Variants in MGAT4C observed in about 807,000 individuals in gnomAD.
The protein encoded by MGAT4C is alpha-1,3-mannosyl-glycoprotein 4-beta-N-acetylglucosaminyltransferase C.
A neutral mutation model predicts 40.1 loss-of-function variants in MGAT4C; 19 were observed. The observed-to-expected ratio is 0.47, with a 90% confidence interval of 0.33 to 0.70. The LOEUF (loss-of-function observed/expected upper bound fraction) is 0.70. Ranked by LOEUF, MGAT4C falls within the 30% of genes least tolerant of loss-of-function variation. The probability of loss-of-function intolerance (pLI) is 0.02; values close to 1 mark genes in which losing one functional copy is unlikely to be tolerated. For missense variants in MGAT4C, 491 were observed against 563.2 expected (o/e 0.87, Z 1.30); for synonymous variants, 181 against 187.1 (o/e 0.97, Z 0.27).
intron 3 of MGAT4C, among the ~76,000 whole-genome samples, chr12:85,988,927 G>A (rs1885567212): frequency 6.6e-6 from 1 of 151,790 alleles, no homozygotes; most frequent in Admixed American, 6.6e-5. Context: ...ATTCAGATAA[G>A]GTGTTACACA....
chr12:86,108,886 T>G (rs1876703079), intron 1 of MGAT4C, among the ~76,000 whole-genome samples: 1 of 152,156 alleles, frequency 6.6e-6, no homozygotes, highest in Non-Finnish European at 1.5e-5. Context: ...GTCTTCGGTC[T>G]TCACCGGAGA....
intron 1 of MGAT4C, among the ~76,000 whole-genome samples, chr12:86,141,797 A>C (rs1882875735): frequency 6.6e-6 from 1 of 152,164 alleles, no homozygotes; most frequent in African/African-American, 2.4e-5. Context: ...ACTCATGTAG[A>C]TTATACAATT....
At chr12:85,982,275 G>A (rs970898906) in intron 4 of MGAT4C, among the ~76,000 whole-genome samples, 4 of 152,166 alleles carry the variant, frequency 2.6e-5, no homozygotes, top group Non-Finnish European at 4.4e-5. Flanking sequence ...CACCTCCCAG[G>A]TTCAGGCGAT....
chr12:86,226,613 C>T (rs1951087687), intron 1 of MGAT4C, among the ~76,000 whole-genome samples: 1 of 151,894 alleles, frequency 6.6e-6, no homozygotes, highest in South Asian at 2.1e-4. Context: ...CACCGCAACC[C>T]AAATGATGAA....
chr12:86,580,837 A>C (rs1408010860), intron 2 of MGAT4C, among the ~76,000 whole-genome samples: 1 of 151,544 alleles, frequency 6.6e-6, no homozygotes, highest in African/African-American at 2.4e-5. Flanking sequence ...CTTTCAAACC[A>C]GAACTCATTT....
chr12:86,589,689 C>T (rs1961239127), intron 2 of MGAT4C, among the ~76,000 whole-genome samples: 1 of 152,016 alleles, frequency 6.6e-6, no homozygotes, highest in African/African-American at 2.4e-5. Context: ...AGCAGCACAT[C>T]AAAAAGCTTA....
intron 1 of MGAT4C, among the ~76,000 whole-genome samples, chr12:86,795,002 C>A (rs1271715259): frequency 2.0e-5 from 3 of 151,722 alleles, no homozygotes; most frequent in Non-Finnish European, 4.4e-5. Context: ...TACAATAAAT[C>A]ATAGAAATAT....
At chr12:86,332,777 C>T (rs1954701447) in intron 4 of MGAT4C, among the ~76,000 whole-genome samples, 2 of 152,020 alleles carry the variant, frequency 1.3e-5, no homozygotes, top group Non-Finnish European at 2.9e-5. Context: ...CCATCAAGAG[C>T]TAGGCCATTA....
At chr12:86,726,634 G>A (rs1013546587) in intron 2 of MGAT4C, among the ~76,000 whole-genome samples, 2 of 152,036 alleles carry the variant, frequency 1.3e-5, no homozygotes, top group African/African-American at 4.8e-5. Context: ...TTGTTAATAT[G>A]TGCATATTCC....
At position 86,265,929 on chromosome 12, in the gene MGAT4C, G is replaced by C. The variant is rs11832164; in HGVS notation, c.-57+68136C>G. Among the ~76,000 whole-genome samples, 455 of 151,996 alleles carry C rather than the reference G, an allele frequency of 3.0e-3. 1 individual carries two copies. Among genetic ancestry groups the C allele is most frequent in the African/African-American group, 0.01 (430 of 41,440 alleles). On this transcript the variant is annotated intron_variant, in intron 4 of 7. Coordinates refer to the MGAT4C transcript ENST00000548651. The stretch of plus-strand genomic sequence containing the variant: ...GTAAATGAGATTACCTTCTTGATTT[G>C]GTTCTCAGCTAAATTGTTGCTGGTC...
intron 1 of MGAT4C, among the ~76,000 whole-genome samples, chr12:86,072,913 T>A (rs996431163): frequency 3.9e-5 from 6 of 152,186 alleles, no homozygotes; most frequent in Admixed American, 1.3e-4. Flanking sequence ...ATATCTGACA[T>A]CATTAACAGT....
chr12:86,572,638 T>C (rs1424187921), intron 2 of MGAT4C, among the ~76,000 whole-genome samples: 1 of 152,120 alleles, frequency 6.6e-6, no homozygotes, highest in Non-Finnish European at 1.5e-5. Context: ...GACCTTTGTA[T>C]TTTTATGCAC....
chr12:86,398,632 T>C (rs1231479556), intron 3 of MGAT4C, among the ~76,000 whole-genome samples: 1 of 151,926 alleles, frequency 6.6e-6, no homozygotes, highest in Non-Finnish European at 1.5e-5. Flanking sequence ...GTGCTTTAGG[T>C]CTCATAAGCA....
At chr12:86,294,849 G>T (rs1953621436) in intron 4 of MGAT4C, among the ~76,000 whole-genome samples, 1 of 152,054 alleles carries the variant, frequency 6.6e-6, no homozygotes, top group Non-Finnish European at 1.5e-5. Context: ...ACCTACATTT[G>T]CTCCCACCAT....
At chr12:86,624,041 C>T (rs1332659570) in intron 2 of MGAT4C, among the ~76,000 whole-genome samples, 2 of 152,254 alleles carry the variant, frequency 1.3e-5, no homozygotes, top group Middle Eastern at 6.8e-3. Context: ...CCATTTATGA[C>T]TTCACTCAGA....
At chr12:86,679,639 T>C (rs1333490482) in intron 2 of MGAT4C, among the ~76,000 whole-genome samples, 2 of 152,050 alleles carry the variant, frequency 1.3e-5, no homozygotes, top group Non-Finnish European at 2.9e-5. Context: ...TTCAGGAATG[T>C]GATTAGTGTC....
At chr12:86,749,298 TA>T (rs765653024) in intron 1 of MGAT4C, among the ~76,000 whole-genome samples, 23 of 151,736 alleles carry the variant, frequency 1.5e-4, no homozygotes, top group Non-Finnish European at 2.4e-4. Context: ...ACCTCTTGAG[TA>T]CTTCAACAGA....
At chr12:86,618,376 C>T (rs911889696) in intron 2 of MGAT4C, among the ~76,000 whole-genome samples, 7 of 152,084 alleles carry the variant, frequency 4.6e-5, no homozygotes, top group African/African-American at 1.7e-4. Flanking sequence ...ATACTTGCAC[C>T]TCCATGTTTA....
rs1593106869 is a variant in MGAT4C, at chr12:86,678,799, T to A, written c.-229+48410A>T. On this transcript the variant is annotated intron_variant, in intron 2 of 7. Transcript: ENST00000548651. Reference sequence around the variant, plus strand: ...GCTGCATAGTATTCCATGGTGTATATGTGCCACATTTTCTTAATCCAGTCT... The same window carrying A: ...GCTGCATAGTATTCCATGGTGTATAAGTGCCACATTTTCTTAATCCAGTCT... Among the ~76,000 whole-genome samples, 3 of 152,254 alleles carry A rather than the reference T, an allele frequency of 2.0e-5. 1 individual carries two copies. Among genetic ancestry groups the A allele is most frequent in the African/African-American group, 7.2e-5 (3 of 41,540 alleles).
Sources: gnomAD v4.1 joint callset for allele counts (sites outside exome capture counted in the v4.1 genomes callset) on GRCh38, gnomAD v4.1.1 for gene constraint, MANE v1.5 for transcripts, NCBI Gene and HGNC (gene_info 2026-07-23, HGNC 2026-07-21) for gene names.